The following NHSL3 variants were observed in gnomAD, a reference collection of about 807,000 sequenced individuals.
The protein encoded by NHSL3 is NHS like 3.
chr1:32,773,096 G>T, the NHSL3 span: 1 of 597,340 alleles, frequency 1.7e-6, no homozygotes, highest in Non-Finnish European at 3.0e-6. Flanking sequence ...TCCCGAATGG[G>T]TTCACCTCTG....
chr1:32,744,758 C>A, the NHSL3 span, among the ~76,000 whole-genome samples: 1 of 152,154 alleles, frequency 6.6e-6, no homozygotes, highest in African/African-American at 2.4e-5. Context: ...AAGGGGGAAT[C>A]CTCTGGCTGG....
the NHSL3 span, among the ~76,000 whole-genome samples, chr1:32,745,530 C>T: frequency 1.4e-5 from 2 of 145,746 alleles, no homozygotes; most frequent in African/African-American, 5.1e-5. Context: ...TGTACTCCAG[C>T]CTGGGCGACA....
At chr1:32,756,472 C>CCG in the NHSL3 span, among the ~76,000 whole-genome samples, 17 of 74,390 alleles carry the variant, frequency 2.3e-4, 1 homozygote, top group African/African-American at 8.8e-4. Context: ...ATGACGAGAC[C>CCG]CCCCCCCCCC....
chr1:32,747,702 C>T, the NHSL3 span, among the ~76,000 whole-genome samples: 1 of 151,976 alleles, frequency 6.6e-6, no homozygotes, highest in South Asian at 2.1e-4. Flanking sequence ...GTGGCTCACA[C>T]CTGTAATCCC....
At chr1:32,767,950 A>C in the NHSL3 span, 3 of 1,613,324 alleles carry the variant, frequency 1.9e-6, no homozygotes, top group Non-Finnish European at 1.7e-6. Flanking sequence ...GCTCCCTACA[A>C]CACCAAGGTA....
the NHSL3 span, among the ~76,000 whole-genome samples, chr1:32,756,470 A>ACCCCCCCCCCC: frequency 2.4e-4 from 12 of 50,544 alleles, 1 homozygote; most frequent in Admixed American, 6.7e-4. Flanking sequence ...ACATGACGAG[A>ACCCCCCCCCCC]CCCCCCCCCC....
chr1:32,773,258 A>G, the NHSL3 span: 25 of 316,744 alleles, frequency 7.9e-5, no homozygotes, highest in Non-Finnish European at 1.5e-4. Flanking sequence ...CAAACCATGC[A>G]CATACTATAG....
the NHSL3 span, among the ~76,000 whole-genome samples, chr1:32,759,037 A>G: frequency 1.3e-5 from 2 of 152,102 alleles, no homozygotes; most frequent in Admixed American, 6.6e-5. Context: ...TGGTGGGGAG[A>G]GGAGGCTGCT....
At chr1:32,753,999 G>T in the NHSL3 span, 1 of 416,622 alleles carries the variant, frequency 2.4e-6, no homozygotes. Context: ...GCCCGCCCGC[G>T]AGTCTCGCTG....
the NHSL3 span, chr1:32,771,759 G>A: frequency 1.5e-5 from 25 of 1,613,660 alleles, no homozygotes; most frequent in Admixed American, 1.3e-4. Context: ...AGAAGGAACC[G>A]GTGGGCTGTA....
the NHSL3 span, among the ~76,000 whole-genome samples, chr1:32,760,588 GTTT>G: frequency 1.4e-4 from 20 of 138,716 alleles, no homozygotes; most frequent in South Asian, 9.3e-4. Context: ...GTGTGTGTGT[GTTT>G]TTTTTTTTTT....
chr1:32,745,626 T>C, the NHSL3 span, among the ~76,000 whole-genome samples: 1 of 151,332 alleles, frequency 6.6e-6, no homozygotes, highest in Non-Finnish European at 1.5e-5. Context: ...TACAAGATGC[T>C]GGCAGGTTAT....
the NHSL3 span, chr1:32,742,241 C>T: frequency 2.4e-6 from 3 of 1,234,010 alleles, no homozygotes; most frequent in Non-Finnish European, 2.0e-6. Flanking sequence ...AGGGTGCGGC[C>T]GAGGGGGCTC....
At chr1:32,772,269 T>C in the NHSL3 span, 1 of 1,602,860 alleles carries the variant, frequency 6.2e-7, no homozygotes, top group Non-Finnish European at 8.5e-7. Flanking sequence ...GCAAGCCGTC[T>C]GTGGGAGTCC....
the NHSL3 span, chr1:32,765,584 A>G: frequency 6.8e-7 from 1 of 1,477,382 alleles, no homozygotes; most frequent in Non-Finnish European, 9.0e-7. Context: ...GGGCGGGATC[A>G]GTGGCGAAGG....
the NHSL3 span, chr1:32,742,218 C>CG: frequency 1.9e-4 from 230 of 1,237,834 alleles, 3 homozygotes; most frequent in East Asian, 1.3e-3. Flanking sequence ...GGGCTGAGCG[C>CG]GGGGGGGCGT....
At chr1:32,760,597 T>G in the NHSL3 span, among the ~76,000 whole-genome samples, 6 of 150,550 alleles carry the variant, frequency 4.0e-5, no homozygotes, top group African/African-American at 1.2e-4. Context: ...TGTTTTTTTT[T>G]TTTTTTTGTT....
chr1:32,769,645 C>T, the NHSL3 span: 12 of 1,557,422 alleles, frequency 7.7e-6, no homozygotes, highest in African/African-American at 1.5e-4. Flanking sequence ...TTTGCTCTAA[C>T]AGTTTTTCTC....
At chr1:32,743,451 C>A in the NHSL3 span, among the ~76,000 whole-genome samples, 4 of 152,144 alleles carry the variant, frequency 2.6e-5, no homozygotes, top group African/African-American at 4.8e-5. Context: ...TGGGCCAAAC[C>A]CTGAGGGAGG....
Sources: allele counts gnomAD v4.1 joint callset (sites outside exome capture counted in the v4.1 genomes callset), GRCh38; gene constraint gnomAD v4.1.1; transcripts MANE v1.5; gene names NCBI Gene and HGNC (gene_info 2026-07-23, HGNC 2026-07-21).